The following RELN variants were observed in gnomAD, a reference collection of about 807,000 sequenced individuals.
RELN encodes reelin.
A neutral mutation model predicts 427.6 loss-of-function variants in RELN; 108 were observed. That is an observed-to-expected ratio of 0.25 (90% CI 0.22 to 0.30). The LOEUF (loss-of-function observed/expected upper bound fraction) is 0.30. Among genes scored for constraint, RELN ranks in the 10% least tolerant of loss-of-function variants. The probability of loss-of-function intolerance (pLI) is 1.00; values close to 1 mark genes in which losing one functional copy is unlikely to be tolerated. For missense variants in RELN, 3,715 were observed against 4,302.8 expected, an observed-to-expected ratio of 0.86 and a Z score of 3.82; for synonymous variants, 1,524 against 1,513.4, an observed-to-expected ratio of 1.01 and a Z score of -0.16.
intron 55 of RELN, 143 bp downstream of exon 55, chr7:103,497,677 A>T (rs1256967356): frequency 4.1e-6 from 3 of 732,060 alleles, no homozygotes; most frequent in Non-Finnish European, 7.2e-6. Flanking sequence ...AACATGTAAT[A>T]CAAACAAAAT....
intron 11 of RELN, among the ~76,000 whole-genome samples, chr7:103,675,837 G>A (rs1193802139): frequency 1.3e-5 from 2 of 152,180 alleles, no homozygotes; most frequent in Non-Finnish European, 2.9e-5. Flanking sequence ...CTAGCCATAT[G>A]TAGAAAGCTG....
At position 103,790,226 on chromosome 7, in the gene RELN, C is replaced by G. The variant is rs533067575; in HGVS notation, c.474-13599G>C. On this transcript the variant is annotated intron_variant, in intron 3 of 64. Coordinates refer to ENST00000428762, the MANE Select transcript of RELN (RefSeq NM_005045.4). ...GGAGTGATAGCATTGGGAGAAATAC[C>G]TAATGTAGATGATGGGTTGACGAGT... 2.6e-5 allele frequency among the ~76,000 whole-genome samples: 4 copies of G among 152,106 alleles called. No homozygotes were observed. In the East Asian group the frequency reaches 5.8e-4, roughly 22 times the overall value.
At chr7:103,501,933 G>A (rs1315007873) in intron 52 of RELN, among the ~76,000 whole-genome samples, 1 of 151,986 alleles carries the variant, frequency 6.6e-6, no homozygotes, top group Non-Finnish European at 1.5e-5. Flanking sequence ...ACGTAAGTAC[G>A]GAAGCATCCT....
intron 11 of RELN, among the ~76,000 whole-genome samples, chr7:103,669,663 C>T (rs756061335): frequency 4.0e-5 from 6 of 151,648 alleles, no homozygotes; most frequent in Non-Finnish European, 5.9e-5. Context: ...TTGAGGAGCT[C>T]TATAGTTCTG....
intron 6 of RELN, among the ~76,000 whole-genome samples, chr7:103,733,828 A>G (rs1385178139): frequency 2.0e-5 from 3 of 151,578 alleles, no homozygotes; most frequent in Non-Finnish European, 4.4e-5. Flanking sequence ...ATTGGGAGAT[A>G]TACCTAATGC....
intron 2 of RELN, among the ~76,000 whole-genome samples, chr7:103,900,962 G>GA (rs59742395): frequency 1.3e-5 from 2 of 151,160 alleles, no homozygotes; most frequent in Non-Finnish European, 3.0e-5. Flanking sequence ...TCTTTGGGGT[G>GA]AAAAAAAACT....
intron 28 of RELN, among the ~76,000 whole-genome samples, chr7:103,583,842 C>T (rs565707305): frequency 1.1e-4 from 17 of 152,282 alleles, no homozygotes; most frequent in African/African-American, 3.9e-4. Flanking sequence ...TGTGGGAGAG[C>T]GCCACTACCC....
chr7:103,701,111 G>C lies in RELN; in HGVS notation c.806-105C>G, dbSNP rs564050466. The C allele has an allele frequency of 1.2e-4, 90 of 733,880 alleles. No homozygotes were observed. The African/African-American group carries it at 1.3e-3, about 10-fold the overall frequency. The allele number at this position is 733,880 out of a possible 1,614,324, so 45.5% of individuals were successfully genotyped here. On this transcript the variant is annotated intron_variant, in intron 8 of 64. Transcript: ENST00000428762. Reference sequence around the variant, plus strand: ...ATAATTTTTAAACTATTAGATATTTGTCTGGTAACTTCCCCATTCTTCTAA... The same window carrying C: ...ATAATTTTTAAACTATTAGATATTTCTCTGGTAACTTCCCCATTCTTCTAA...
intron 27 of RELN, among the ~76,000 whole-genome samples, chr7:103,590,840 G>A (rs1831397851): frequency 1.3e-5 from 2 of 152,012 alleles, no homozygotes. Flanking sequence ...CTATATTTTG[G>A]TCCTACAGTT....
At chr7:103,951,071 A>G (rs910466401) in intron 1 of RELN, among the ~76,000 whole-genome samples, 2 of 152,200 alleles carry the variant, frequency 1.3e-5, no homozygotes, top group African/African-American at 2.4e-5. Flanking sequence ...CTGGGATTAC[A>G]GGCACCTGCC....
chr7:103,770,807 T>G (rs1427228857), intron 4 of RELN, among the ~76,000 whole-genome samples: 1 of 152,088 alleles, frequency 6.6e-6, no homozygotes, highest in East Asian at 1.9e-4. Context: ...CTTGACTGCC[T>G]GACTCCAAAG....
intron 22 of RELN, among the ~76,000 whole-genome samples, chr7:103,608,387 G>T (rs1241536990): frequency 6.6e-6 from 1 of 151,940 alleles, no homozygotes; most frequent in Non-Finnish European, 1.5e-5. Flanking sequence ...TATTCTGCTG[G>T]GTTGTTTTTT....
At chr7:103,720,167 T>C (rs1341370557) in intron 8 of RELN, among the ~76,000 whole-genome samples, 2 of 147,438 alleles carry the variant, frequency 1.4e-5, no homozygotes, top group Admixed American at 6.8e-5. Context: ...ATATATTGTA[T>C]AAACATTGTG....
chr7:103,815,807 CTT>C (rs1792855430), intron 3 of RELN, among the ~76,000 whole-genome samples: 2 of 152,186 alleles, frequency 1.3e-5, no homozygotes, highest in African/African-American at 4.8e-5. Context: ...TTGTCCAAGA[CTT>C]TGTCCATTCC....
At chr7:103,917,629 C>T (rs540010899) in intron 1 of RELN, among the ~76,000 whole-genome samples, 3 of 151,352 alleles carry the variant, frequency 2.0e-5, no homozygotes, top group Middle Eastern at 3.4e-3. Flanking sequence ...AGATGAACCA[C>T]ATTTCTTATT....
intron 57 of RELN, among the ~76,000 whole-genome samples, chr7:103,495,217 G>T (rs905508319): frequency 1.5e-5 from 2 of 131,626 alleles, no homozygotes; most frequent in Admixed American, 9.0e-5. Flanking sequence ...TCGTTCTGTC[G>T]CCCACAGTGC....
At chr7:103,802,685 G>T (rs1041351736) in intron 3 of RELN, among the ~76,000 whole-genome samples, 1 of 152,072 alleles carries the variant, frequency 6.6e-6, no homozygotes, top group Non-Finnish European at 1.5e-5. Context: ...CAATAAAATT[G>T]CAAGTCTCCT....
At chr7:103,860,196 A>G (rs913062147) in intron 2 of RELN, among the ~76,000 whole-genome samples, 2 of 152,204 alleles carry the variant, frequency 1.3e-5, no homozygotes, top group African/African-American at 4.8e-5. Context: ...CAAAAATCCA[A>G]AATAACTTTA....
intron 1 of RELN, among the ~76,000 whole-genome samples, chr7:103,949,395 A>G (rs1040536712): frequency 1.3e-5 from 2 of 148,980 alleles, no homozygotes; most frequent in African/African-American, 5.0e-5. Context: ...AAAAAAAAAC[A>G]ATCTTAATCC....
Sources: gnomAD v4.1 joint callset for allele counts (sites outside exome capture counted in the v4.1 genomes callset) on GRCh38, gnomAD v4.1.1 for gene constraint, MANE v1.5 for transcripts, NCBI Gene and HGNC (gene_info 2026-07-23, HGNC 2026-07-21) for gene names.